Variants in ADGRL3 observed in about 807,000 individuals in gnomAD.
ADGRL3 encodes adhesion G protein-coupled receptor L3, also known as calcium-independent alpha-latrotoxin receptor 3.
A neutral mutation model predicts 153.5 loss-of-function variants in ADGRL3; 62 were observed. That is an observed-to-expected ratio of 0.40 (90% CI 0.33 to 0.50). The LOEUF is 0.50. Ranked by LOEUF, ADGRL3 falls within the 20% of genes least tolerant of loss-of-function variation. The pLI is 0.47. For synonymous variants in ADGRL3, 710 were observed against 672.5 expected, an observed-to-expected ratio of 1.06 and a Z score of -0.86; for missense variants, 1,641 against 1,859.4, an observed-to-expected ratio of 0.88 and a Z score of 2.16.
chr4:61,800,589 G>A (rs551746141), intron 8 of ADGRL3, among the ~76,000 whole-genome samples: 14 of 152,298 alleles, frequency 9.2e-5, no homozygotes, highest in South Asian at 8.3e-4. Context: ...AAAAGTTGAT[G>A]TCTGGCGAGT....
intron 1 of ADGRL3, among the ~76,000 whole-genome samples, chr4:61,282,516 T>A (rs879279719): frequency 5.9e-5 from 9 of 152,038 alleles, no homozygotes; most frequent in Admixed American, 3.3e-4. Flanking sequence ...AGAAGTTGGC[T>A]TTTGGAGGCA....
intron 9 of ADGRL3, 32 bp from the exon 10 acceptor site, chr4:61,892,624 A>G (rs754757562): frequency 6.5e-7 from 1 of 1,536,200 alleles, no homozygotes; most frequent in South Asian, 1.1e-5. Context: ...TGAACAAGCA[A>G]TGTAGGTGTT....
At chr4:61,533,270 G>A (rs1022641892) in intron 4 of ADGRL3, among the ~76,000 whole-genome samples, 1 of 152,142 alleles carries the variant, frequency 6.6e-6, no homozygotes, top group Non-Finnish European at 1.5e-5. Context: ...TGAAATCATT[G>A]TGATGTGGCA....
chr4:61,969,622 G>A (rs2099019577), intron 17 of ADGRL3, among the ~76,000 whole-genome samples: 1 of 152,084 alleles, frequency 6.6e-6, no homozygotes, highest in South Asian at 2.1e-4. Context: ...AAAAATTAAA[G>A]TAGCACAATC....
At chr4:61,691,307 A>G (rs1497909) in intron 6 of ADGRL3, among the ~76,000 whole-genome samples, 55,268 of 152,012 alleles carry the variant, frequency 0.36, 11,637 homozygotes, top group Non-Finnish European at 0.49. Flanking sequence ...CTTGAACACT[A>G]TTAGGAGCTG....
intron 1 of ADGRL3, among the ~76,000 whole-genome samples, chr4:61,320,396 G>A (rs1476517724): frequency 6.6e-6 from 1 of 152,168 alleles, no homozygotes; most frequent in African/African-American, 2.4e-5. Flanking sequence ...AGGAGAGAAA[G>A]AAAGACAGAG....
rs148970266 is a variant in ADGRL3, at chr4:61,925,409, A to G, written c.2113-9431A>G. 6.8e-4 allele frequency among the ~76,000 whole-genome samples: 104 copies of G among 152,240 alleles called. 1 individual carries two copies. Among genetic ancestry groups the G allele is most frequent in the African/African-American group, 2.4e-3 (101 of 41,540 alleles). On this transcript the variant is annotated intron_variant, in intron 13 of 26. Coordinates refer to ENST00000683033, the MANE Select transcript of ADGRL3 (RefSeq NM_001387552.1). ...CAATGGCTTTAATAAGCCTACTTAA[A>G]TTTATGATGCGTGCATTGTATTAGG...
intron 8 of ADGRL3, among the ~76,000 whole-genome samples, chr4:61,801,869 T>G (rs1476423565): frequency 6.6e-6 from 1 of 152,284 alleles, no homozygotes; most frequent in South Asian, 2.1e-4. Flanking sequence ...CTTAATGCTT[T>G]AGTAATTTCA....
chr4:61,307,280 A>G (rs2094824544), intron 1 of ADGRL3, among the ~76,000 whole-genome samples: 1 of 152,240 alleles, frequency 6.6e-6, no homozygotes, highest in Admixed American at 6.5e-5. Context: ...GACAATATCT[A>G]AAATATTTGA....
chr4:61,640,352 C>T (rs780421883), intron 5 of ADGRL3, among the ~76,000 whole-genome samples: 3 of 152,086 alleles, frequency 2.0e-5, no homozygotes, highest in African/African-American at 4.8e-5. Flanking sequence ...AGACATCTGC[C>T]CTCTATGGTG....
At chr4:61,959,180 C>A (rs2098978804) in intron 17 of ADGRL3, among the ~76,000 whole-genome samples, 1 of 152,090 alleles carries the variant, frequency 6.6e-6, no homozygotes, top group South Asian at 2.1e-4. Flanking sequence ...CTTTTGTAAC[C>A]CCCTTTGTGG....
chr4:61,768,917 A>G (rs547341426), intron 8 of ADGRL3, among the ~76,000 whole-genome samples: 2 of 151,602 alleles, frequency 1.3e-5, no homozygotes, highest in Admixed American at 1.3e-4. Context: ...GGGTGCAGAG[A>G]TAAGAGGTTG....
chr4:61,965,478 G>A (rs1305736541), intron 17 of ADGRL3, among the ~76,000 whole-genome samples: 2 of 152,060 alleles, frequency 1.3e-5, no homozygotes, highest in South Asian at 4.1e-4. Flanking sequence ...GGCCGGGAAC[G>A]GTGGCTCACG....
At chr4:61,866,270 C>T (rs1261934878) in intron 9 of ADGRL3, among the ~76,000 whole-genome samples, 7 of 152,122 alleles carry the variant, frequency 4.6e-5, no homozygotes, top group African/African-American at 1.2e-4. Context: ...CTTATCATTA[C>T]GTTTAAATGA....
chr4:61,777,862 A>G (rs148285734), intron 8 of ADGRL3, among the ~76,000 whole-genome samples: 286 of 152,286 alleles, frequency 1.9e-3, no homozygotes, highest in African/African-American at 6.8e-3. Flanking sequence ...ATAGCCCTGA[A>G]AAAGTATGTA....
intron 11 of ADGRL3, among the ~76,000 whole-genome samples, chr4:61,901,314 A>G (rs1293218442): frequency 1.3e-5 from 2 of 152,222 alleles, no homozygotes; most frequent in African/African-American, 4.8e-5. Flanking sequence ...GGATGTGAAA[A>G]TCTAGAAATA....
intron 4 of ADGRL3, among the ~76,000 whole-genome samples, chr4:61,580,217 T>A (rs1477582783): frequency 6.6e-6 from 1 of 152,142 alleles, no homozygotes; most frequent in African/African-American, 2.4e-5. Context: ...TTTAATTAAC[T>A]ACTTCCTCAG....
intron 5 of ADGRL3, among the ~76,000 whole-genome samples, chr4:61,653,878 TG>T (rs2094356481): frequency 6.6e-6 from 1 of 152,138 alleles, no homozygotes; most frequent in South Asian, 2.1e-4. Flanking sequence ...TATGAATAAG[TG>T]ACTTTCCAGA....
intron 5 of ADGRL3, among the ~76,000 whole-genome samples, chr4:61,664,416 TAAG>T (rs1458101064): frequency 6.6e-6 from 1 of 152,202 alleles, no homozygotes; most frequent in Non-Finnish European, 1.5e-5. Context: ...GAAAAAGTAT[TAAG>T]AAACTGAAAA....
Sources: allele counts gnomAD v4.1 joint callset (sites outside exome capture counted in the v4.1 genomes callset), GRCh38; gene constraint gnomAD v4.1.1; transcripts MANE v1.5; gene names NCBI Gene and HGNC (gene_info 2026-07-23, HGNC 2026-07-21).